The following MEGF11 variants were observed in gnomAD, a reference collection of about 807,000 sequenced individuals.
MEGF11 encodes the protein multiple epidermal growth factor-like domains protein 11.
MEGF11 carries 126 observed loss-of-function variants against 146.6 expected under a neutral mutation model. The ratio of observed to expected loss-of-function variants is 0.86; its 90% confidence interval spans 0.74 to 1.00. The LOEUF is 1.00. MEGF11 is among the 50% of genes least tolerant of loss of function. The probability of loss-of-function intolerance (pLI) is 0.00; values close to 1 mark genes in which losing one functional copy is unlikely to be tolerated. For synonymous variants in MEGF11, 532 were observed against 583.4 expected (o/e 0.91, Z 1.27); for missense variants, 1,509 against 1,521.2 (o/e 0.99, Z 0.13).
intron 4 of MEGF11, among the ~76,000 whole-genome samples, chr15:66,106,678 GCA>G (rs1347230742): frequency 6.6e-6 from 1 of 152,088 alleles, no homozygotes; most frequent in Admixed American, 6.5e-5. Context: ...TAACACGCCT[GCA>G]CAGACATCCC....
In MEGF11 at chr15:65,895,458, ATAT is replaced by A. The variant is rs1426275514; in HGVS notation, c.*2473_*2475del. The A allele has an allele frequency of 6.6e-5, 10 of 152,668 alleles. No individual in the cohort carries two copies. The highest frequency in any genetic ancestry group is 6.5e-4 in the Admixed American group (10 of 15,282). The allele number at this position is 152,668 out of a possible 1,614,324, so 9.5% of individuals were successfully genotyped here. A position where few individuals can be genotyped will look rare whatever the true frequency, so the allele number is the denominator to read the frequency against. On this transcript the variant is annotated 3_prime_UTR_variant, in exon 26 of 26. Coordinates refer to ENST00000395614, the MANE Select transcript of MEGF11 (RefSeq NM_001385028.1). ...TCTTTCATTCATTTTAATTGTACAC[ATAT>A]TAATTTTTTGAAAATTTAGTTTCTG...
intron 5 of MEGF11, among the ~76,000 whole-genome samples, chr15:66,059,233 C>T (rs921171103): frequency 3.3e-5 from 5 of 152,158 alleles, no homozygotes; most frequent in African/African-American, 4.8e-5. Context: ...TTCCCTCCCC[C>T]GCGCCATCCT....
chr15:66,040,966 T>A (rs945096626), intron 5 of MEGF11, among the ~76,000 whole-genome samples: 9 of 150,558 alleles, frequency 6.0e-5, no homozygotes, highest in Non-Finnish European at 2.9e-5. Context: ...AGGCTGACAA[T>A]AGCCCTGCCC....
rs781089324 is a variant in MEGF11, at chr15:65,970,563, T to C, written c.889A>G (p.Met297Val). Reference sequence around the variant, plus strand: ...TAACACTATCCTTACCTGTCCCCCATGTATCCAGCTGTACAGTGGCACTGT... The same window carrying C: ...TAACACTATCCTTACCTGTCCCCCACGTATCCAGCTGTACAGTGGCACTGT... ...TGQCHCTAGY[M>V]GDRCQEECPF... The change falls in exon 8 of 26, where the codon ATG becomes GTG. Residue 297 changes from methionine to valine, a missense_variant. Met to Val is a conservative substitution (Grantham distance 21). Coordinates refer to ENST00000395614, the MANE Select transcript of MEGF11 (RefSeq NM_001385028.1). 7 of 1,613,886 alleles carry C rather than the reference T, an allele frequency of 4.3e-6. No individual in the cohort carries two copies. Among genetic ancestry groups the C allele is most frequent in the Admixed American group, 1.7e-5 (1 of 60,002 alleles).
chr15:66,143,884 A>G (rs2089267743), intron 1 of MEGF11, among the ~76,000 whole-genome samples: 1 of 152,050 alleles, frequency 6.6e-6, no homozygotes, highest in South Asian at 2.1e-4. Context: ...CCGAGGTGGG[A>G]CTCAGGAGGG....
chr15:66,032,390 G>C (rs2083557505), intron 5 of MEGF11, among the ~76,000 whole-genome samples: 1 of 152,206 alleles, frequency 6.6e-6, no homozygotes, highest in Non-Finnish European at 1.5e-5. Flanking sequence ...CTGGGTAATG[G>C]GTAGAAGCAG....
intron 10 of MEGF11, among the ~76,000 whole-genome samples, chr15:65,946,134 A>C (rs1013399820): frequency 1.3e-5 from 2 of 152,198 alleles, no homozygotes; most frequent in East Asian, 3.8e-4. Flanking sequence ...ATTACATATG[A>C]CCCAACAGGA....
intron 5 of MEGF11, among the ~76,000 whole-genome samples, chr15:66,088,031 G>A (rs934774732): frequency 1.3e-5 from 2 of 152,102 alleles, no homozygotes; most frequent in African/African-American, 4.8e-5. Context: ...GAACATTGAA[G>A]GCTACTATGA....
intron 5 of MEGF11, among the ~76,000 whole-genome samples, chr15:66,027,979 G>C (rs564113456): frequency 1.3e-5 from 2 of 152,318 alleles, no homozygotes; most frequent in Non-Finnish European, 2.9e-5. Flanking sequence ...GATCAAGAGG[G>C]AAACCCTCTG....
Position 66,077,412 on chromosome 15 carries a change from G to A in MEGF11, c.394+16990C>T, listed in dbSNP as rs539023391. 2.0e-5 allele frequency among the ~76,000 whole-genome samples: 3 copies of A among 152,272 alleles called. No homozygotes were observed. The South Asian group carries it at 6.2e-4, about 32-fold the overall frequency. On this transcript the variant is annotated intron_variant, in intron 5 of 25. Coordinates refer to ENST00000395614, the MANE Select transcript of MEGF11 (RefSeq NM_001385028.1). ...TCCTGGCCTCATATTGCAATTCTTG[G>A]GGCACGTGTCTGGCCCCCTACTCCC...
intron 2 of MEGF11, among the ~76,000 whole-genome samples, chr15:66,124,378 A>G (rs781038697): frequency 5.3e-5 from 8 of 152,370 alleles, no homozygotes; most frequent in African/African-American, 1.2e-4. Flanking sequence ...TTCAAAGAAC[A>G]TGCTTGGAAG....
At chr15:66,188,839 C>G (rs1481868168) in intron 1 of MEGF11, among the ~76,000 whole-genome samples, 3 of 152,198 alleles carry the variant, frequency 2.0e-5, no homozygotes, top group Admixed American at 1.3e-4. Flanking sequence ...GAAAGTTAAC[C>G]ACATGTGCAA....
chr15:65,966,042 G>A (rs1012724688), intron 8 of MEGF11, among the ~76,000 whole-genome samples: 2 of 152,132 alleles, frequency 1.3e-5, no homozygotes, highest in Non-Finnish European at 2.9e-5. Context: ...GTCTCACTCT[G>A]TTGCCCAGGC....
At chr15:66,094,337 C>T in intron 5 of MEGF11, 65 bp downstream of exon 5, 1 of 1,406,782 alleles carries the variant, frequency 7.1e-7, no homozygotes, top group Non-Finnish European at 9.8e-7. Flanking sequence ...CATGCACACA[C>T]CACAACCCAC....
intron 7 of MEGF11, among the ~76,000 whole-genome samples, chr15:65,971,551 T>A (rs180784594): frequency 6.6e-6 from 1 of 152,198 alleles, no homozygotes; most frequent in East Asian, 1.9e-4. Flanking sequence ...ACTCTCCTGC[T>A]GCTCTCTTCC....
At chr15:66,251,882 A>G (rs2092375390) in intron 1 of MEGF11, among the ~76,000 whole-genome samples, 2 of 152,210 alleles carry the variant, frequency 1.3e-5, no homozygotes, top group African/African-American at 4.8e-5. Flanking sequence ...AGCAACGGAG[A>G]GAGCTGGTGC....
intron 2 of MEGF11, among the ~76,000 whole-genome samples, chr15:66,124,428 T>G (rs903223143): frequency 6.6e-5 from 10 of 152,206 alleles, no homozygotes; most frequent in African/African-American, 2.2e-4. Context: ...GTGGCCCCAT[T>G]TTATAGAGGA....
intron 4 of MEGF11, among the ~76,000 whole-genome samples, chr15:66,117,364 A>G (rs2087781855): frequency 6.6e-6 from 1 of 152,116 alleles, no homozygotes; most frequent in Non-Finnish European, 1.5e-5. Context: ...TCACCTGGCC[A>G]GAAGGTAGTA....
At chr15:65,911,738 G>A (rs546160596) in intron 21 of MEGF11, among the ~76,000 whole-genome samples, 4 of 152,156 alleles carry the variant, frequency 2.6e-5, no homozygotes, top group Admixed American at 6.5e-5. Flanking sequence ...TTTTGATTAC[G>A]TGTTGACATG....
Sources: allele counts gnomAD v4.1 joint callset (sites outside exome capture counted in the v4.1 genomes callset), GRCh38; gene constraint gnomAD v4.1.1; transcripts MANE v1.5; gene names NCBI Gene and HGNC (gene_info 2026-07-23, HGNC 2026-07-21).